Variants in SPMIP2 observed in about 807,000 individuals in gnomAD.
The protein encoded by SPMIP2 is sperm microtubule inner protein 2, also known as protein SPMIP2.
chr4:159,025,938 C>T, the SPMIP2 span, among the ~76,000 whole-genome samples: 4 of 152,108 alleles, frequency 2.6e-5, no homozygotes, highest in Non-Finnish European at 2.9e-5. Flanking sequence ...TAGCACAGGG[C>T]CTGGCACACA....
the SPMIP2 span, among the ~76,000 whole-genome samples, chr4:158,959,063 A>G: frequency 6.6e-6 from 1 of 152,296 alleles, no homozygotes; most frequent in East Asian, 1.9e-4. Context: ...CATCCTCATG[A>G]CTCAGTTCAA....
the SPMIP2 span, among the ~76,000 whole-genome samples, chr4:158,928,999 C>T: frequency 6.6e-6 from 1 of 152,216 alleles, no homozygotes; most frequent in Non-Finnish European, 1.5e-5. Context: ...CTGTAACACT[C>T]ACTGCGAGCG....
the SPMIP2 span, among the ~76,000 whole-genome samples, chr4:159,076,960 C>T: frequency 1.1e-3 from 167 of 152,168 alleles, no homozygotes; most frequent in Non-Finnish European, 1.4e-3. Flanking sequence ...CTCAGCCTCC[C>T]GAATATCTGG....
the SPMIP2 span, among the ~76,000 whole-genome samples, chr4:159,079,052 A>T: frequency 6.6e-6 from 1 of 152,140 alleles, no homozygotes; most frequent in Non-Finnish European, 1.5e-5. Flanking sequence ...TGGGAGGTGG[A>T]GGTCGCAGTG....
chr4:159,079,732 C>T, the SPMIP2 span, among the ~76,000 whole-genome samples: 1 of 152,160 alleles, frequency 6.6e-6, no homozygotes, highest in South Asian at 2.1e-4. Context: ...ATATTTGGCA[C>T]ATGAAAATTG....
the SPMIP2 span, among the ~76,000 whole-genome samples, chr4:158,954,903 G>A: frequency 7.9e-4 from 120 of 152,166 alleles, 1 homozygote; most frequent in Admixed American, 6.0e-3. Flanking sequence ...ATTCTCTTAC[G>A]ACCTCTCTTA....
chr4:158,975,278 G>A, the SPMIP2 span, among the ~76,000 whole-genome samples: 425 of 149,390 alleles, frequency 2.8e-3, 5 homozygotes, highest in African/African-American at 0.01. Flanking sequence ...GTTTTTTTTT[G>A]CTGTATAGAA....
At chr4:158,959,988 C>T in the SPMIP2 span, among the ~76,000 whole-genome samples, 5 of 152,100 alleles carry the variant, frequency 3.3e-5, no homozygotes, top group Admixed American at 6.6e-5. Context: ...TAAAGCTAAT[C>T]TACTAATCCA....
At chr4:159,059,841 A>G in the SPMIP2 span, among the ~76,000 whole-genome samples, 1 of 152,214 alleles carries the variant, frequency 6.6e-6, no homozygotes, top group Non-Finnish European at 1.5e-5. Context: ...GTCCTTCCCC[A>G]TGAGAGGGAT....
At chr4:159,054,175 G>T in the SPMIP2 span, among the ~76,000 whole-genome samples, 1,244 of 152,054 alleles carry the variant, frequency 8.2e-3, 23 homozygotes, top group African/African-American at 0.029. Flanking sequence ...TAGAGACAGG[G>T]TCTCACTATG....
At chr4:159,007,130 C>T in the SPMIP2 span, 9 of 662,786 alleles carry the variant, frequency 1.4e-5, no homozygotes, top group African/African-American at 7.2e-5. Context: ...ATGGCCAAGC[C>T]GTGTGGGGTG....
chr4:159,027,576 A>G, the SPMIP2 span, among the ~76,000 whole-genome samples: 1 of 152,212 alleles, frequency 6.6e-6, no homozygotes, highest in Non-Finnish European at 1.5e-5. Context: ...ATTAGTTTTT[A>G]AAAATCTAAA....
chr4:159,014,338 A>T, the SPMIP2 span, among the ~76,000 whole-genome samples: 1 of 136,546 alleles, frequency 7.3e-6, no homozygotes, highest in Admixed American at 7.6e-5. Context: ...CTATAGTCTC[A>T]GCTACTCAGG....
chr4:158,894,753 C>T, the SPMIP2 span, among the ~76,000 whole-genome samples: 1 of 152,044 alleles, frequency 6.6e-6, no homozygotes. Flanking sequence ...TGGTGAAATC[C>T]TCCTTACTTT....
At chr4:158,927,964 C>T in the SPMIP2 span, among the ~76,000 whole-genome samples, 15 of 152,220 alleles carry the variant, frequency 9.9e-5, no homozygotes, top group African/African-American at 3.6e-4. Flanking sequence ...GACCTGCAGC[C>T]CGCCATGCCT....
the SPMIP2 span, among the ~76,000 whole-genome samples, chr4:158,896,841 G>GTT: frequency 0.29 from 41,810 of 144,724 alleles, 6,621 homozygotes; most frequent in Non-Finnish European, 0.38. Flanking sequence ...TGCCTTATTA[G>GTT]TTTTTTTTTT....
At chr4:159,026,437 A>G in the SPMIP2 span, 1 of 947,608 alleles carries the variant, frequency 1.1e-6, no homozygotes, top group South Asian at 1.3e-5. Context: ...GAAAAGCACA[A>G]TAACAAGAAA....
chr4:158,961,149 A>G, the SPMIP2 span, among the ~76,000 whole-genome samples: 6 of 152,154 alleles, frequency 3.9e-5, no homozygotes, highest in Non-Finnish European at 7.4e-5. Context: ...TTTTACTTAC[A>G]TTAGTATGGG....
At chr4:159,058,037 G>A in the SPMIP2 span, among the ~76,000 whole-genome samples, 1 of 151,976 alleles carries the variant, frequency 6.6e-6, no homozygotes, top group African/African-American at 2.4e-5. Context: ...GCTAATTTTT[G>A]TAATTTTTGT....
Sources: allele counts gnomAD v4.1 joint callset (sites outside exome capture counted in the v4.1 genomes callset), GRCh38; gene constraint gnomAD v4.1.1; transcripts MANE v1.5; gene names NCBI Gene and HGNC (gene_info 2026-07-23, HGNC 2026-07-21).